GPNMB: variants seen among roughly 807,000 people sequenced by gnomAD.
GPNMB encodes glycoprotein nmb.
A neutral mutation model predicts 57.3 loss-of-function variants in GPNMB; 71 were observed. The observed-to-expected ratio is 1.24, with a 90% CI of 1.02 to 1.51. GPNMB has a LOEUF of 1.51. Ranked by LOEUF, GPNMB falls within the 40% of genes most tolerant of loss-of-function variation. GPNMB has a pLI of 0.00. For missense variants in GPNMB, 677 were observed against 691.9 expected, an observed-to-expected ratio of 0.98 and a Z score of 0.24; for synonymous variants, 253 against 263.2, an observed-to-expected ratio of 0.96 and a Z score of 0.38.
At position 23,260,631 on chromosome 7, in the gene GPNMB, T is replaced by G. The variant is rs146873412; in HGVS notation, c.876T>G (p.Phe292Leu). 1.8e-4 allele frequency: 293 copies of G among 1,614,004 alleles called. No homozygotes were observed. Among genetic ancestry groups the G allele is most frequent in the South Asian group, 5.2e-4 (47 of 91,072 alleles). The change falls in exon 6 of 11, where the codon TTT (phenylalanine) becomes TTG (leucine). Residue 292 changes from phenylalanine to leucine, a missense_variant. Coordinates refer to ENST00000258733, the MANE Select transcript of GPNMB (RefSeq NM_002510.3). The part of the protein sequence containing the change: ...KWSFGDNTGL[F>L]VSTNHTVNHT... Reference sequence around the variant, plus strand: ...GCTTCGGGGATAATACTGGCCTGTTTGTTTCCACCAATCATACTGTGAATC... The same window carrying G: ...GCTTCGGGGATAATACTGGCCTGTTGGTTTCCACCAATCATACTGTGAATC...
chr7:23,255,481 T>C (rs1359190073), intron 3 of GPNMB, among the ~76,000 whole-genome samples: 4 of 152,234 alleles, frequency 2.6e-5, no homozygotes, highest in Admixed American at 2.6e-4. Flanking sequence ...TTTGGTTCCA[T>C]ATCCTGACTA....
At chr7:23,258,025 T>C (rs1046311603) in intron 4 of GPNMB, 2 of 152,240 alleles carry the variant, frequency 1.3e-5, no homozygotes, top group Admixed American at 6.5e-5. Flanking sequence ...ACAAATAAAA[T>C]AACTACTGTT....
chr7:23,272,737 A>C (rs1382220653), intron 9 of GPNMB, among the ~76,000 whole-genome samples: 1 of 152,220 alleles, frequency 6.6e-6, no homozygotes, highest in Non-Finnish European at 1.5e-5. Context: ...TGCTCAGCAC[A>C]GTTCTAGGCA....
chr7:23,263,384 G>A (rs1211726533), intron 6 of GPNMB, among the ~76,000 whole-genome samples: 3 of 152,118 alleles, frequency 2.0e-5, no homozygotes, highest in African/African-American at 7.2e-5. Context: ...GGCCGAGGCA[G>A]GTGGATCACC....
At chr7:23,262,609 T>A (rs946779753) in intron 6 of GPNMB, among the ~76,000 whole-genome samples, 4 of 4,024 alleles carry the variant, frequency 9.9e-4, no homozygotes, top group Non-Finnish European at 1.8e-3. Context: ...CACCATTCTC[T>A]TTTTTTTTTT....
chr7:23,253,156 C>G (rs1782696436), intron 1 of GPNMB, 151 bp from the exon 2 acceptor site: 2 of 572,230 alleles, frequency 3.5e-6, no homozygotes, highest in East Asian at 6.1e-5. Flanking sequence ...TTCCAGGAGA[C>G]TTCCTTTAAA....
rs1583825032 is a variant in GPNMB, at chr7:23,260,436, T to C, written c.701-20T>C. 2 of 1,574,850 alleles carry C rather than the reference T, an allele frequency of 1.3e-6. No individual in the cohort carries two copies. The highest frequency in any genetic ancestry group is 1.7e-4 in the Middle Eastern group (1 of 5,916). ...AAGCAATCATGCATTCTTTATTTCT[T>C]TGGGGGATGTATCTTTTAGATCAGA... On this transcript the variant is annotated intron_variant, in intron 5 of 10. Transcript: ENST00000258733.
rs761473733 is a variant in GPNMB, at chr7:23,274,251, T to C, written c.*27T>C. 1 of 1,573,438 alleles carries C rather than the reference T, an allele frequency of 6.4e-7. No individual in the cohort carries two copies. Among genetic ancestry groups the C allele is most frequent in the Non-Finnish European group, 8.7e-7 (1 of 1,144,374 alleles). On this transcript the variant is annotated 3_prime_UTR_variant, in exon 11 of 11. Coordinates refer to ENST00000258733, the MANE Select transcript of GPNMB (RefSeq NM_002510.3). ...TTTCGACCTTGTTTCTGAAGCTCAC[T>C]TTTCAGTGCCATTGATGTGAGATGT...
intron 1 of GPNMB, among the ~76,000 whole-genome samples, chr7:23,249,716 G>C (rs1028448362): frequency 6.6e-6 from 1 of 152,142 alleles, no homozygotes; most frequent in Non-Finnish European, 1.5e-5. Context: ...CCCATTAAAG[G>C]ACATCTGGGT....
At chr7:23,263,479 G>A (rs940832261) in intron 6 of GPNMB, among the ~76,000 whole-genome samples, 20 of 152,004 alleles carry the variant, frequency 1.3e-4, no homozygotes, top group African/African-American at 4.8e-4. Context: ...GGGTGTGGTG[G>A]AGAGTGTCTG....
intron 4 of GPNMB, among the ~76,000 whole-genome samples, chr7:23,259,624 C>T (rs2128482618): frequency 6.6e-6 from 1 of 152,164 alleles, no homozygotes; most frequent in Non-Finnish European, 1.5e-5. Context: ...CTCTTCTGGA[C>T]ACCTCATCAT....
Position 23,260,153 on chromosome 7 carries a change from C to T in GPNMB, c.700+15C>T, listed in dbSNP as rs1214105349. 1 of 1,612,160 alleles carries T rather than the reference C, an allele frequency of 6.2e-7. No individual in the cohort carries two copies. The highest frequency in any genetic ancestry group is 1.3e-5 in the African/African-American group (1 of 74,862). The stretch of plus-strand genomic sequence containing the variant: ...CGTGGTAACAGGTGAGTGGTGTGAA[C>T]TCTAACTGAGGATGAGGCACTTCAT... On this transcript the variant is annotated intron_variant, in intron 5 of 10. Coordinates refer to ENST00000258733, the MANE Select transcript of GPNMB (RefSeq NM_002510.3).
At chr7:23,264,774 A>G (rs1044985736) in intron 6 of GPNMB, among the ~76,000 whole-genome samples, 1 of 152,242 alleles carries the variant, frequency 6.6e-6, no homozygotes, top group Non-Finnish European at 1.5e-5. Flanking sequence ...CATTTTTAGC[A>G]CTAAAGTATA....
Position 23,270,088 on chromosome 7 carries a change from G to A in GPNMB, c.1342G>A (p.Gly448Arg), listed in dbSNP as rs111633931. The change falls in exon 9 of 11, where the codon GGG (glycine) becomes AGG (arginine). Residue 448 changes from glycine (G) to arginine (R), a missense_variant. Physicochemically the swap from Gly to Arg is moderately radical, Grantham distance 125. Transcript: ENST00000258733. ...CLLTVRRTFNGSGTYCVNLTL... is the reference protein window; with the variant it reads ...CLLTVRRTFNRSGTYCVNLTL... ...GCTGACTGTGAGACGAACCTTCAAT[G>A]GGTCTGGGACGTACTGTGTGAACCT... 2 of 1,613,976 alleles carry A rather than the reference G, an allele frequency of 1.2e-6. No individual in the cohort carries two copies. The highest frequency in any genetic ancestry group is 1.7e-6 in the Non-Finnish European group (2 of 1,179,986).
intron 1 of GPNMB, chr7:23,247,279 G>C: frequency 1.0e-5 from 3 of 299,336 alleles, no homozygotes; most frequent in Non-Finnish European, 2.0e-5. Context: ...ACTATGTCCA[G>C]CTTCCATCCA....
intron 7 of GPNMB, 147 bp from the exon 8 acceptor site, chr7:23,267,739 C>A: frequency 1.5e-6 from 1 of 653,718 alleles, no homozygotes. Context: ...CTCCCAAAGA[C>A]CCCCCTCCTA....
At chr7:23,255,755 T>C (rs184585952) in intron 3 of GPNMB, among the ~76,000 whole-genome samples, 1 of 152,226 alleles carries the variant, frequency 6.6e-6, no homozygotes, top group African/African-American at 2.4e-5. Context: ...AATTTTTTTA[T>C]TGATACATGA....
chr7:23,251,104 G>A (rs1782650354), intron 1 of GPNMB, among the ~76,000 whole-genome samples: 1 of 152,208 alleles, frequency 6.6e-6, no homozygotes, highest in South Asian at 2.1e-4. Context: ...ATGGCCTGAG[G>A]TCACACATCC....
intron 5 of GPNMB, 49 bp from the exon 6 acceptor site, chr7:23,260,407 A>C: frequency 7.1e-7 from 1 of 1,410,528 alleles, no homozygotes; most frequent in Non-Finnish European, 9.8e-7. Context: ...CTCCACTTAC[A>C]ATCAAGCAAT....
Sources: gnomAD v4.1 joint callset for allele counts (sites outside exome capture counted in the v4.1 genomes callset) on GRCh38, gnomAD v4.1.1 for gene constraint, MANE v1.5 for transcripts, NCBI Gene and HGNC (gene_info 2026-07-23, HGNC 2026-07-21) for gene names.